FRAS1: variants seen among roughly 807,000 people sequenced by gnomAD.
FRAS1 encodes the protein extracellular matrix organizing protein FRAS1.
A neutral mutation model predicts 435.2 loss-of-function variants in FRAS1; 290 were observed. That is an observed-to-expected ratio of 0.67 (90% CI 0.61 to 0.73). FRAS1 has a LOEUF of 0.73. Among genes scored for constraint, FRAS1 ranks in the 30% least tolerant of loss-of-function variants. The pLI is 0.00. For synonymous variants in FRAS1, 1,800 were observed against 1,851.0 expected (o/e 0.97, Z 0.71); for missense variants, 4,860 against 5,001.5 (o/e 0.97, Z 0.85).
intron 29 of FRAS1, among the ~76,000 whole-genome samples, chr4:78,394,276 A>G (rs1732564001): frequency 6.6e-6 from 1 of 151,978 alleles, no homozygotes; most frequent in Admixed American, 6.6e-5. Context: ...CATATCCAAA[A>G]AATAGTTGCC....
intron 29 of FRAS1, among the ~76,000 whole-genome samples, chr4:78,394,445 T>C (rs756000610): frequency 5.3e-5 from 8 of 152,044 alleles, no homozygotes; most frequent in Non-Finnish European, 7.4e-5. Flanking sequence ...ACACTATTTA[T>C]TGAAGAGACT....
rs188606284 is a variant in FRAS1 at position 78,464,592 on chromosome 4, A to C, written c.7029+9A>C. The C allele has an allele frequency of 3.2e-3, 5,177 of 1,613,018 alleles. 11 individuals carry two copies. Among genetic ancestry groups the C allele is most frequent in the Middle Eastern group, 5.0e-3 (30 of 5,956 alleles). On this transcript the variant is annotated intron_variant, in intron 49 of 73. Coordinates refer to ENST00000512123, the MANE Select transcript of FRAS1 (RefSeq NM_025074.7). ...TGGATGCTGACACAGAGGTAAGAGC[A>C]CTTCTTCCCATGGGTTCTCTGGCTA... is the stretch of plus-strand genomic sequence containing the variant.
chr4:78,527,831 G>A (rs540432968), intron 70 of FRAS1, among the ~76,000 whole-genome samples: 1 of 152,278 alleles, frequency 6.6e-6, no homozygotes, highest in African/African-American at 2.4e-5. Flanking sequence ...ATTTCAGGAT[G>A]CTTGTATGCT....
Position 78,436,486 on chromosome 4 carries a change from A to G in FRAS1, c.5218-2084A>G, listed in dbSNP as rs552970998. Among the ~76,000 whole-genome samples the G allele has an allele frequency of 3.3e-5, 5 of 152,302 alleles. No individual in the cohort carries two copies. In the East Asian group the frequency reaches 9.6e-4, roughly 29 times the overall value. On this transcript the variant is annotated intron_variant, in intron 38 of 73. Transcript: ENST00000512123. ...GGATTACTACCCAAAAGAAACTTTC[A>G]CATGCACAGCAAAGAACTTGTGCAA...
Position 78,380,338 on chromosome 4 carries a change from T to C in FRAS1, c.3563+342T>C, listed in dbSNP as rs572416498. On this transcript the variant is annotated intron_variant, in intron 27 of 73. Transcript: ENST00000512123. ...AGCTGCTTCTTCAACATTGGGGCAA[T>C]GTACTGGCGACAGAGAGAGAGGATG... 1.3e-3 allele frequency among the ~76,000 whole-genome samples: 106 copies of C among 83,630 alleles called. 1 individual carries two copies. In the Middle Eastern group the frequency reaches 0.044, roughly 35 times the overall value. 54.9% of individuals were successfully genotyped at this position (83,630 alleles called of 152,430 possible).
At chr4:78,500,006 A>T (rs1285362143) in intron 61 of FRAS1, 85 bp downstream of exon 61, 1 of 1,130,706 alleles carries the variant, frequency 8.8e-7, no homozygotes, top group African/African-American at 1.6e-5. Context: ...TAAACAGATA[A>T]ATGAAAAAGG....
intron 9 of FRAS1, among the ~76,000 whole-genome samples, chr4:78,267,996 G>T (rs755906694): frequency 7.9e-5 from 12 of 152,208 alleles, no homozygotes; most frequent in Non-Finnish European, 1.3e-4. Flanking sequence ...ATTTCTAGAA[G>T]CTTCTAACAA....
intron 53 of FRAS1, 68 bp from the exon 54 acceptor site, chr4:78,475,370 C>A: frequency 6.5e-7 from 1 of 1,547,272 alleles, no homozygotes; most frequent in Non-Finnish European, 8.9e-7. Flanking sequence ...AAGAGACAGG[C>A]ATTAAACAAG....
At position 78,114,408 on chromosome 4, in the gene FRAS1, A is replaced by T. The variant is rs548873221; in HGVS notation, c.108+48392A>T. Among the ~76,000 whole-genome samples the T allele has an allele frequency of 2.0e-5, 3 of 152,272 alleles. 1 individual carries two copies. In the South Asian group the frequency reaches 6.2e-4, roughly 32 times the overall value. Reference sequence around the variant, plus strand: ...TGATGGGGATGGCTTTGAATCTATAAATTACCTTGGGAAGTATGGCCATTT... The same window carrying T: ...TGATGGGGATGGCTTTGAATCTATATATTACCTTGGGAAGTATGGCCATTT... On this transcript the variant is annotated intron_variant, in intron 2 of 73. Transcript: ENST00000512123.
chr4:78,188,192 A>G (rs1722355206), intron 2 of FRAS1, among the ~76,000 whole-genome samples: 1 of 152,120 alleles, frequency 6.6e-6, no homozygotes, highest in Admixed American at 6.5e-5. Flanking sequence ...CATAAACTTG[A>G]TTCCTTCCTC....
At position 78,429,833 on chromosome 4, in the gene FRAS1, A is replaced by G. The variant is rs143638406; in HGVS notation, c.4844-459A>G. Among the ~76,000 whole-genome samples, 666 of 152,320 alleles carry G rather than the reference A, an allele frequency of 4.4e-3. 19 individuals carry two copies. Among genetic ancestry groups the G allele is most frequent in the Admixed American group, 0.038 (574 of 15,298 alleles). ...TTTTTACCAAACTTACAAATAAGCC[A>G]TGTGTACAAGGATGCCTGTCACTTT... is the stretch of plus-strand genomic sequence containing the variant. On this transcript the variant is annotated intron_variant, in intron 36 of 73. Transcript: ENST00000512123.
intron 2 of FRAS1, among the ~76,000 whole-genome samples, chr4:78,208,906 G>A (rs931147264): frequency 4.6e-5 from 7 of 152,144 alleles, no homozygotes; most frequent in African/African-American, 1.7e-4. Flanking sequence ...GGAGACCAAG[G>A]TGAGTGGATC....
At chr4:78,448,364 T>C in intron 44 of FRAS1, 48 bp downstream of exon 44, 1 of 1,507,002 alleles carries the variant, frequency 6.6e-7, no homozygotes, top group Non-Finnish European at 8.9e-7. Context: ...TATCCTTATT[T>C]CTTCTTTGTC....
At chr4:78,117,835 A>G (rs1179539709) in intron 2 of FRAS1, among the ~76,000 whole-genome samples, 1 of 152,240 alleles carries the variant, frequency 6.6e-6, no homozygotes, top group African/African-American at 2.4e-5. Flanking sequence ...CAGCTCATCA[A>G]AGTCATTCTC....
chr4:78,208,084 C>T lies in FRAS1; in HGVS notation c.109-29426C>T, dbSNP rs548333335. 7.9e-5 allele frequency among the ~76,000 whole-genome samples: 12 copies of T among 152,316 alleles called. 1 individual carries two copies. The South Asian group carries it at 1.5e-3, about 18-fold the overall frequency. On this transcript the variant is annotated intron_variant, in intron 2 of 73. Transcript: ENST00000512123. ...ACCGCAAATACTGTGCTGGTATCCACAGCTGAGAGACCTACAGACGGTTCA... is the reference window on the plus strand; with the variant it reads ...ACCGCAAATACTGTGCTGGTATCCATAGCTGAGAGACCTACAGACGGTTCA...
At chr4:78,502,734 A>G (rs919134759) in intron 61 of FRAS1, among the ~76,000 whole-genome samples, 2 of 152,214 alleles carry the variant, frequency 1.3e-5, no homozygotes, top group African/African-American at 2.4e-5. Context: ...TGCCCTGGCC[A>G]GAACTTCCAA....
chr4:78,506,784 G>A (rs1179217768), intron 61 of FRAS1, among the ~76,000 whole-genome samples: 2 of 152,182 alleles, frequency 1.3e-5, no homozygotes, highest in African/African-American at 4.8e-5. Context: ...CCAGTGAGAT[G>A]AACCAGGTAC....
At chr4:78,455,690 C>T (rs977454552) in intron 47 of FRAS1, among the ~76,000 whole-genome samples, 1 of 152,166 alleles carries the variant, frequency 6.6e-6, no homozygotes, top group African/African-American at 2.4e-5. Flanking sequence ...AGGGAGCCAT[C>T]TGCCTATGCG....
chr4:78,140,776 T>C, intron 2 of FRAS1, among the ~76,000 whole-genome samples: 2 of 142,842 alleles, frequency 1.4e-5, no homozygotes, highest in African/African-American at 2.6e-5. Flanking sequence ...TATACGTGTG[T>C]GTATATATAT....
Sources: gnomAD v4.1 joint callset for allele counts (sites outside exome capture counted in the v4.1 genomes callset) on GRCh38, gnomAD v4.1.1 for gene constraint, MANE v1.5 for transcripts, NCBI Gene and HGNC (gene_info 2026-07-23, HGNC 2026-07-21) for gene names.